STX8: variants seen among roughly 807,000 people sequenced by gnomAD.
STX8 encodes the protein syntaxin 8.
In STX8, 23 loss-of-function variants were observed where a neutral mutation model predicts 37.5. The ratio of observed to expected loss-of-function variants is 0.61; its 90% confidence interval spans 0.44 to 0.87. STX8 has a LOEUF of 0.87. Among genes scored for constraint, STX8 ranks in the 40% least tolerant of loss-of-function variants. The pLI is 0.00. For synonymous variants in STX8, 115 were observed against 99.1 expected (o/e 1.16, Z -0.95); for missense variants, 313 against 284.7 (o/e 1.10, Z -0.71).
intron 2 of STX8, among the ~76,000 whole-genome samples, chr17:9,562,077 C>A (rs1189652995): frequency 6.8e-6 from 1 of 147,984 alleles, no homozygotes; most frequent in Admixed American, 7.0e-5. Context: ...TATATGGAAG[C>A]AATTAGATTG....
intron 6 of STX8, among the ~76,000 whole-genome samples, chr17:9,391,987 A>T (rs1487544696): frequency 1.3e-5 from 2 of 152,148 alleles, no homozygotes; most frequent in African/African-American, 4.8e-5. Flanking sequence ...CAGGAGAGAA[A>T]ACCACCCAAC....
chr17:9,284,109 C>T (rs952806530), intron 7 of STX8, among the ~76,000 whole-genome samples: 1 of 152,120 alleles, frequency 6.6e-6, no homozygotes, highest in African/African-American at 2.4e-5. Context: ...ACACTCATAC[C>T]TCAGTTAACT....
At chr17:9,449,539 C>T (rs555769521) in intron 6 of STX8, among the ~76,000 whole-genome samples, 56 of 151,998 alleles carry the variant, frequency 3.7e-4, no homozygotes, top group African/African-American at 1.3e-3. Flanking sequence ...CCAGCCTGGG[C>T]GACAGAGCGA....
intron 3 of STX8, among the ~76,000 whole-genome samples, chr17:9,546,590 GGTTTTTTTTTTTTT>G (rs1418400851): frequency 1.6e-5 from 1 of 62,218 alleles, no homozygotes; most frequent in Non-Finnish European, 3.0e-5. Flanking sequence ...CTACAAAAGT[GGTTTTTTTTTTTTT>G]TTTTTTTTTT....
At chr17:9,362,265 G>A (rs1290691150) in intron 7 of STX8, among the ~76,000 whole-genome samples, 1 of 152,216 alleles carries the variant, frequency 6.6e-6, no homozygotes, top group Non-Finnish European at 1.5e-5. Context: ...GGGAGGCGGA[G>A]GTTGCAGTGA....
intron 6 of STX8, among the ~76,000 whole-genome samples, chr17:9,386,623 C>A (rs967342414): frequency 6.6e-6 from 1 of 151,886 alleles, no homozygotes; most frequent in Non-Finnish European, 1.5e-5. Flanking sequence ...CTTAGAATAA[C>A]AAAATTTCAG....
chr17:9,397,289 A>C lies in STX8; in HGVS notation c.542-18636T>G, dbSNP rs373814707. 4.6e-5 allele frequency among the ~76,000 whole-genome samples: 7 copies of C among 152,212 alleles called. 1 individual carries two copies. The South Asian group carries it at 1.2e-3, about 27-fold the overall frequency. On this transcript the variant is annotated intron_variant, in intron 6 of 7. Coordinates refer to ENST00000306357, the MANE Select transcript of STX8 (RefSeq NM_004853.3). ...CGGGTGCCTGTAATCTCAGCTACTC[A>C]GGAGGCTGAGGCAGGAGAATTGCTT...
intron 7 of STX8, among the ~76,000 whole-genome samples, chr17:9,321,612 C>T (rs113856702): frequency 0.069 from 10,450 of 152,020 alleles, 1,159 homozygotes; most frequent in African/African-American, 0.23. Flanking sequence ...CTCCGCCTCC[C>T]AGGTTCAAGC....
intron 4 of STX8, 98 bp downstream of exon 4, chr17:9,545,074 T>C (rs555972288): frequency 1.4e-6 from 1 of 712,502 alleles, no homozygotes; most frequent in South Asian, 1.8e-5. Context: ...AGAATAGATT[T>C]TGATTAATTC....
intron 7 of STX8, among the ~76,000 whole-genome samples, chr17:9,262,729 G>C (rs532522862): frequency 6.6e-6 from 1 of 151,786 alleles, no homozygotes; most frequent in Non-Finnish European, 1.5e-5. Flanking sequence ...CTACAGGTGC[G>C]TGCCAACATG....
At chr17:9,305,477 C>A (rs1908948496) in intron 7 of STX8, 1 of 152,130 alleles carries the variant, frequency 6.6e-6, no homozygotes, top group Admixed American at 6.5e-5. Flanking sequence ...GTCCTGAGTA[C>A]ATTTAAGGTA....
intron 7 of STX8, among the ~76,000 whole-genome samples, chr17:9,358,632 G>A (rs971202784): frequency 1.3e-5 from 2 of 152,178 alleles, no homozygotes; most frequent in Non-Finnish European, 2.9e-5. Context: ...ATTGAGGAGA[G>A]AAAGCGGCTG....
intron 6 of STX8, among the ~76,000 whole-genome samples, chr17:9,454,910 TA>T (rs1355929135): frequency 1.3e-5 from 2 of 151,976 alleles, no homozygotes; most frequent in African/African-American, 4.8e-5. Flanking sequence ...ACAATGTTTT[TA>T]CAACAGTAGA....
chr17:9,482,486 A>G (rs1302722032), intron 6 of STX8, among the ~76,000 whole-genome samples: 1 of 152,172 alleles, frequency 6.6e-6, no homozygotes, highest in African/African-American at 2.4e-5. Context: ...TACATGAAGA[A>G]ATTCCTTCAC....
intron 6 of STX8, among the ~76,000 whole-genome samples, chr17:9,401,752 G>A (rs1193017288): frequency 6.6e-6 from 1 of 152,172 alleles, no homozygotes; most frequent in Non-Finnish European, 1.5e-5. Flanking sequence ...GTAAGACTGA[G>A]ATGCTGACAG....
rs368802628 is a variant in STX8 at position 9,361,782 on chromosome 17, C to G, written c.643+16770G>C. Among the ~76,000 whole-genome samples, 58 of 152,286 alleles carry G rather than the reference C, an allele frequency of 3.8e-4. No individual in the cohort carries two copies. The East Asian group carries it at 6.0e-3, about 16-fold the overall frequency. ...AATAACTGGCAGGAGCTGGATGCCT[C>G]TTAAACAGAGTGGCAAGCACCAGAA... is the stretch of plus-strand genomic sequence containing the variant. On this transcript the variant is annotated intron_variant, in intron 7 of 7. Transcript: ENST00000306357.
intron 7 of STX8, among the ~76,000 whole-genome samples, chr17:9,310,463 C>G (rs1597597461): frequency 1.3e-5 from 2 of 152,176 alleles, no homozygotes; most frequent in East Asian, 3.9e-4. Flanking sequence ...GTCTTGCCCC[C>G]ACCTGTCTGC....
At chr17:9,322,814 T>TAAAA (rs59941529) in intron 7 of STX8, among the ~76,000 whole-genome samples, 32 of 64,674 alleles carry the variant, frequency 4.9e-4, no homozygotes, top group African/African-American at 1.0e-3. Flanking sequence ...GTGCATTTGC[T>TAAAA]AAAAAAAAAA....
At chr17:9,432,693 A>G (rs996182438) in intron 6 of STX8, among the ~76,000 whole-genome samples, 5 of 152,214 alleles carry the variant, frequency 3.3e-5, no homozygotes, top group African/African-American at 1.2e-4. Context: ...TCAACTATTA[A>G]CATTTCATTT....
Sources: allele counts gnomAD v4.1 joint callset (sites outside exome capture counted in the v4.1 genomes callset), GRCh38; gene constraint gnomAD v4.1.1; transcripts MANE v1.5; gene names NCBI Gene and HGNC (gene_info 2026-07-23, HGNC 2026-07-21).